The following ARHGAP8 variants were observed in gnomAD, a reference collection of about 807,000 sequenced individuals.
The protein encoded by ARHGAP8 is rho GTPase-activating protein 8.
A neutral mutation model predicts 46.1 loss-of-function variants in ARHGAP8; 62 were observed. The observed-to-expected ratio is 1.34, with a 90% CI of 1.10 to 1.66. ARHGAP8 has a LOEUF of 1.66. ARHGAP8 is among the 40% of genes most tolerant of loss of function. The pLI is 0.00. For synonymous variants in ARHGAP8, 375 were observed against 243.1 expected (o/e 1.54, Z -5.05); for missense variants, 923 against 568.4 (o/e 1.62, Z -6.34).
At chr22:44,757,256 T>C (rs2146983170) in intron 1 of ARHGAP8, among the ~76,000 whole-genome samples, 1 of 151,828 alleles carries the variant, frequency 6.6e-6, no homozygotes, top group African/African-American at 2.4e-5. Flanking sequence ...AGTGTTCAAA[T>C]TCCTAATTGC....
chr22:44,824,997 T>TC (rs1167576876), intron 6 of ARHGAP8, among the ~76,000 whole-genome samples: 4 of 151,670 alleles, frequency 2.6e-5, no homozygotes, highest in Admixed American at 1.3e-4. Flanking sequence ...CTTTTCAGAG[T>TC]CCATCTGTTC....
At chr22:44,816,803 CAAAAAAAA>C (rs1183457228) in intron 5 of ARHGAP8, among the ~76,000 whole-genome samples, 2 of 66,240 alleles carry the variant, frequency 3.0e-5, no homozygotes. Flanking sequence ...GACCCTGTCT[CAAAAAAAA>C]AAAAAAAAAA....
intron 10 of ARHGAP8, among the ~76,000 whole-genome samples, chr22:44,856,455 G>T (rs999795594): frequency 6.6e-6 from 1 of 151,822 alleles, no homozygotes; most frequent in East Asian, 1.9e-4. Flanking sequence ...TGTATTTTTA[G>T]TAGAGACGGG....
intron 9 of ARHGAP8, 89 bp downstream of exon 9, chr22:44,848,139 G>A (rs1279441587): frequency 2.1e-5 from 32 of 1,533,248 alleles, no homozygotes; most frequent in African/African-American, 4.1e-5. Context: ...GGGAAGCACC[G>A]CCCCCGCAAC....
At chr22:44,848,143 C>G in intron 9 of ARHGAP8, 93 bp downstream of exon 9, 1 of 1,514,150 alleles carries the variant, frequency 6.6e-7, no homozygotes. Context: ...AGCACCGCCC[C>G]CGCAACCCAC....
Position 44,801,933 on chromosome 22 carries a change from T to A in ARHGAP8, c.80-144T>A, listed in dbSNP as rs576190583. 4.9e-6 allele frequency: 4 copies of A among 808,142 alleles called. No individual in the cohort carries two copies. In the South Asian group the frequency reaches 6.6e-5, roughly 13 times the overall value. 50.1% of individuals were successfully genotyped at this position (808,142 alleles called of 1,614,324 possible). A position where few individuals can be genotyped will look rare whatever the true frequency, so the allele number is the denominator to read the frequency against. ...AAAGCCACAGGTGATGGATGCTCACTCAGCAGGTGTCGCCTCCGAGGAACG... is the reference window on the plus strand; with the variant it reads ...AAAGCCACAGGTGATGGATGCTCACACAGCAGGTGTCGCCTCCGAGGAACG... On this transcript the variant is annotated intron_variant, in intron 2 of 11. Coordinates refer to ENST00000356099, the MANE Select transcript of ARHGAP8 (RefSeq NM_181335.3).
intron 4 of ARHGAP8, among the ~76,000 whole-genome samples, chr22:44,810,212 G>A (rs1007811636): frequency 2.0e-5 from 3 of 151,488 alleles, no homozygotes; most frequent in Non-Finnish European, 4.4e-5. Flanking sequence ...CCTTGCAGGT[G>A]GGAAAGGATC....
At chr22:44,861,306 T>C (rs2070470377) in intron 11 of ARHGAP8, among the ~76,000 whole-genome samples, 1 of 152,130 alleles carries the variant, frequency 6.6e-6, no homozygotes, top group Non-Finnish European at 1.5e-5. Flanking sequence ...CTGATTTCTC[T>C]CTCTAGCCGC....
At chr22:44,819,976 T>A (rs528154651) in intron 5 of ARHGAP8, among the ~76,000 whole-genome samples, 1 of 152,188 alleles carries the variant, frequency 6.6e-6, no homozygotes, top group Admixed American at 6.5e-5. Context: ...GGAGCCCAGA[T>A]TGGGCTCCGC....
intron 1 of ARHGAP8, among the ~76,000 whole-genome samples, chr22:44,761,300 A>C (rs1434128929): frequency 6.6e-6 from 1 of 152,172 alleles, no homozygotes; most frequent in Admixed American, 6.5e-5. Flanking sequence ...TGGGCTCCAT[A>C]TTATGGGTTC....
At chr22:44,792,723 A>C (rs188743090) in intron 2 of ARHGAP8, among the ~76,000 whole-genome samples, 23 of 152,106 alleles carry the variant, frequency 1.5e-4, no homozygotes, top group African/African-American at 5.1e-4. Flanking sequence ...ATTTTGAATG[A>C]TCTCTCCCTA....
chr22:44,843,078 C>T (rs940045783), intron 7 of ARHGAP8, among the ~76,000 whole-genome samples: 1 of 152,106 alleles, frequency 6.6e-6, no homozygotes, highest in African/African-American at 2.4e-5. Context: ...GAATGTAAAC[C>T]CCTCACGAGG....
chr22:44,767,944 G>A (rs1414614476), intron 1 of ARHGAP8, among the ~76,000 whole-genome samples: 6 of 132,710 alleles, frequency 4.5e-5, no homozygotes, highest in African/African-American at 1.7e-4. Context: ...CCTGTAGAAT[G>A]TCTCTCCTAG....
chr22:44,818,944 C>T (rs1017501843), intron 5 of ARHGAP8, among the ~76,000 whole-genome samples: 8 of 152,166 alleles, frequency 5.3e-5, no homozygotes, highest in Non-Finnish European at 1.2e-4. Flanking sequence ...AGTGATCCTC[C>T]TTTCTCAGCC....
intron 1 of ARHGAP8, among the ~76,000 whole-genome samples, chr22:44,760,804 G>A (rs769432608): frequency 4.6e-5 from 7 of 152,160 alleles, no homozygotes; most frequent in South Asian, 2.1e-4. Context: ...ATGCCTGTTC[G>A]GGTCCATGTC....
intron 9 of ARHGAP8, among the ~76,000 whole-genome samples, chr22:44,848,363 T>A (rs1601517757): frequency 6.5e-5 from 1 of 15,488 alleles, no homozygotes; most frequent in African/African-American, 1.7e-3. Flanking sequence ...GGAAGCTGGT[T>A]TTTTTTATCT....
intron 10 of ARHGAP8, among the ~76,000 whole-genome samples, chr22:44,853,153 T>C (rs2070139148): frequency 1.3e-5 from 2 of 152,170 alleles, no homozygotes; most frequent in African/African-American, 2.4e-5. Flanking sequence ...GATTCCTAGA[T>C]GTTGGCTTGA....
intron 7 of ARHGAP8, among the ~76,000 whole-genome samples, chr22:44,825,828 C>G (rs1277219373): frequency 1.6e-5 from 2 of 127,670 alleles, no homozygotes; most frequent in African/African-American, 6.2e-5. Context: ...GCTCGCTGCT[C>G]GGTGCCTGGT....
chr22:44,814,528 CTTTG>C (rs1355094130), intron 4 of ARHGAP8, 140 bp from the exon 5 acceptor site: 2 of 694,754 alleles, frequency 2.9e-6, no homozygotes, highest in African/African-American at 3.7e-5. Flanking sequence ...TTATTTCATT[CTTTG>C]TTTGATGTCC....
Sources: gnomAD v4.1 joint callset for allele counts (sites outside exome capture counted in the v4.1 genomes callset) on GRCh38, gnomAD v4.1.1 for gene constraint, MANE v1.5 for transcripts, NCBI Gene and HGNC (gene_info 2026-07-23, HGNC 2026-07-21) for gene names.